NFE2L2: variants seen among roughly 807,000 people sequenced by gnomAD.
NFE2L2 encodes the protein nuclear factor erythroid 2-related factor 2.
Under a neutral mutation model 49.6 loss-of-function variants are expected in NFE2L2, and 20 were observed. The ratio of observed to expected loss-of-function variants is 0.40; its 90% CI spans 0.28 to 0.59. NFE2L2 has a LOEUF of 0.59. Ranked by LOEUF, NFE2L2 falls within the 20% of genes least tolerant of loss-of-function variation. NFE2L2 has a pLI of 0.40. For synonymous variants in NFE2L2, 244 were observed against 256.5 expected (o/e 0.95, Z 0.47); for missense variants, 578 against 714.2 (o/e 0.81, Z 2.17).
intron 1 of NFE2L2, among the ~76,000 whole-genome samples, chr2:177,235,163 C>T (rs1025831476): frequency 2.7e-5 from 4 of 150,178 alleles, no homozygotes; most frequent in East Asian, 2.0e-4. Context: ...CGGTGGCTCA[C>T]GCCTACAAGC....
At chr2:177,255,966 T>A (rs1690504016) in intron 1 of NFE2L2, 1 of 154,436 alleles carries the variant, frequency 6.5e-6, no homozygotes, top group Non-Finnish European at 1.5e-5. Context: ...AGTAAAAAAC[T>A]CTCATTTTTT....
At chr2:177,248,451 C>G (rs745382148) in intron 1 of NFE2L2, among the ~76,000 whole-genome samples, 1 of 152,096 alleles carries the variant, frequency 6.6e-6, no homozygotes, top group Non-Finnish European at 1.5e-5. Flanking sequence ...CTCTTGTTGC[C>G]CAGGCTGGAG....
chr2:177,235,705 T>C (rs930199237), intron 1 of NFE2L2, among the ~76,000 whole-genome samples: 7 of 151,904 alleles, frequency 4.6e-5, no homozygotes, highest in Admixed American at 1.3e-4. Flanking sequence ...TACGAGCCTG[T>C]AGTCCCAACT....
chr2:177,235,874 A>G (rs1230605049), intron 1 of NFE2L2, among the ~76,000 whole-genome samples: 1 of 152,272 alleles, frequency 6.6e-6, no homozygotes, highest in Non-Finnish European at 1.5e-5. Flanking sequence ...GGCTAGGCAT[A>G]GGAACCACAT....
At chr2:177,233,549 ATTAT>A (rs1180995445) in intron 2 of NFE2L2, 5 of 556,512 alleles carry the variant, frequency 9.0e-6, no homozygotes, top group African/African-American at 2.0e-5. Context: ...ATCTGGGCAA[ATTAT>A]TTAACCTTTG....
chr2:177,243,397 G>A (rs905262805), intron 1 of NFE2L2, among the ~76,000 whole-genome samples: 10 of 152,296 alleles, frequency 6.6e-5, no homozygotes, highest in South Asian at 6.2e-4. Context: ...CATTCACACC[G>A]TAAGGCTTCT....
chr2:177,257,644 G>A (rs1044386083), intron 1 of NFE2L2, among the ~76,000 whole-genome samples: 2 of 152,184 alleles, frequency 1.3e-5, no homozygotes, highest in African/African-American at 4.8e-5. Flanking sequence ...CCTAGGGCAG[G>A]GGTCCCCACC....
At chr2:177,260,827 G>A (rs1690706081) in intron 1 of NFE2L2, among the ~76,000 whole-genome samples, 1 of 152,262 alleles carries the variant, frequency 6.6e-6, no homozygotes, top group East Asian at 1.9e-4. Flanking sequence ...AAAAATGTGA[G>A]GCAGAATCTT....
intron 1 of NFE2L2, among the ~76,000 whole-genome samples, chr2:177,248,810 A>G (rs1028595832): frequency 6.6e-6 from 1 of 152,052 alleles, no homozygotes; most frequent in Non-Finnish European, 1.5e-5. Context: ...TCTCAATACT[A>G]TAGGAATAAG....
intron 1 of NFE2L2, among the ~76,000 whole-genome samples, chr2:177,254,184 T>C (rs758395872): frequency 6.6e-6 from 1 of 152,190 alleles, no homozygotes; most frequent in Non-Finnish European, 1.5e-5. Flanking sequence ...GTCCGAGAAA[T>C]GGCCAACTTC....
chr2:177,249,648 T>C (rs1417384920), intron 1 of NFE2L2, among the ~76,000 whole-genome samples: 1 of 152,216 alleles, frequency 6.6e-6, no homozygotes, highest in Non-Finnish European at 1.5e-5. Flanking sequence ...ATTTTAACAA[T>C]ATATTTATTT....
Position 177,231,116 on chromosome 2 carries a change from G to A in NFE2L2, c.1487C>T (p.Ala496Val), listed in dbSNP as rs756129717. The change falls in exon 5 of 5, where the codon GCA becomes GTA. Residue 496 changes from alanine to valine, a missense_variant. Ala to Val is a moderately conservative substitution (Grantham distance 64). Transcript: ENST00000397062. ...SKEQFNEAQL[A>V]LIRDIRRRGK... is the part of the protein sequence containing the mutation. ...CCTCCTACGTATATCCCGAATTAATGCAAGTTGAGCTTCATTGAACTGCTC... is the reference window on the plus strand; with the variant it reads ...CCTCCTACGTATATCCCGAATTAATACAAGTTGAGCTTCATTGAACTGCTC... The A allele has an allele frequency of 2.2e-5, 35 of 1,613,964 alleles. No homozygotes were observed. The highest frequency in any genetic ancestry group is 3.0e-5 in the Non-Finnish European group (35 of 1,180,032).
chr2:177,264,665 CGGCGGCGGCGGCGGT>C lies in NFE2L2; in HGVS notation c.-104_-90del. 7.9e-6 allele frequency: 4 copies of C among 506,832 alleles called. No individual in the cohort carries two copies. The highest frequency in any genetic ancestry group is 7.4e-6 in the Non-Finnish European group (3 of 407,818). 31.4% of individuals were successfully genotyped at this position (506,832 alleles called of 1,614,324 possible). On this transcript the variant is annotated 5_prime_UTR_variant, in exon 1 of 5. Coordinates refer to ENST00000397062, the MANE Select transcript of NFE2L2 (RefSeq NM_006164.5). ...GGCGCGGACAGGGCGGCTCTGGTGGCGGCGGCGGCGGCGGTGGCGGCTGCGTCGGCGGCTCCTCCG... is the reference window on the plus strand; with the variant it reads ...GGCGCGGACAGGGCGGCTCTGGTGGCGGCGGCTGCGTCGGCGGCTCCTCCG...
chr2:177,262,169 A>G (rs1690766738), intron 1 of NFE2L2, among the ~76,000 whole-genome samples: 4 of 152,218 alleles, frequency 2.6e-5, no homozygotes, highest in South Asian at 2.1e-4. Flanking sequence ...GATTTTTCAC[A>G]TATCTAAAAA....
intron 1 of NFE2L2, among the ~76,000 whole-genome samples, chr2:177,257,366 G>A (rs1690561814): frequency 6.6e-6 from 1 of 152,182 alleles, no homozygotes; most frequent in Non-Finnish European, 1.5e-5. Context: ...CAATCCTGCT[G>A]ACCCACTTCA....
intron 1 of NFE2L2, among the ~76,000 whole-genome samples, chr2:177,257,207 G>GT (rs1690557010): frequency 6.6e-6 from 1 of 152,240 alleles, no homozygotes; most frequent in African/African-American, 2.4e-5. Context: ...GCTTCCTAGA[G>GT]TAAGACAGTG....
chr2:177,262,996 C>T (rs1193932116), intron 1 of NFE2L2, among the ~76,000 whole-genome samples: 2 of 152,198 alleles, frequency 1.3e-5, no homozygotes, highest in Admixed American at 1.3e-4. Context: ...TAACTTAAAA[C>T]TTTACAATAG....
chr2:177,253,097 T>C (rs1017913820), intron 1 of NFE2L2, among the ~76,000 whole-genome samples: 2 of 152,228 alleles, frequency 1.3e-5, no homozygotes, highest in African/African-American at 4.8e-5. Flanking sequence ...GTCCAGCTCA[T>C]ATCTGCACCA....
At chr2:177,239,513 C>T (rs547607759) in intron 1 of NFE2L2, among the ~76,000 whole-genome samples, 1 of 152,198 alleles carries the variant, frequency 6.6e-6, no homozygotes, top group South Asian at 2.1e-4. Context: ...CCTGTCTCTA[C>T]TAAAAATACA....
Sources: gnomAD v4.1 joint callset for allele counts (sites outside exome capture counted in the v4.1 genomes callset) on GRCh38, gnomAD v4.1.1 for gene constraint, MANE v1.5 for transcripts, NCBI Gene and HGNC (gene_info 2026-07-23, HGNC 2026-07-21) for gene names.